The following ACAP2 variants were observed in gnomAD, a reference collection of about 807,000 sequenced individuals.
ACAP2 encodes ArfGAP with coiled-coil, ankyrin repeat and PH domains 2.
ACAP2 carries 39 observed loss-of-function variants against 115.8 expected under a neutral mutation model. The observed-to-expected ratio is 0.34, with a 90% CI of 0.26 to 0.44. The LOEUF (loss-of-function observed/expected upper bound fraction) is 0.44, where lower values mean the gene tolerates loss of function less well. ACAP2 is among the 20% of genes least tolerant of loss of function. ACAP2 has a pLI of 1.00. For missense variants in ACAP2, 662 were observed against 927.6 expected (o/e 0.71, Z 3.72); for synonymous variants, 289 against 315.8 (o/e 0.92, Z 0.90).
intron 4 of ACAP2, among the ~76,000 whole-genome samples, chr3:195,362,118 G>GT (rs2108698642): frequency 6.6e-6 from 1 of 152,168 alleles, no homozygotes; most frequent in African/African-American, 2.4e-5. Flanking sequence ...TTTGAGACCA[G>GT]TCTGGCCAAC....
intron 1 of ACAP2, among the ~76,000 whole-genome samples, chr3:195,428,014 ATAAT>A (rs1002476915): frequency 2.0e-4 from 30 of 148,438 alleles, no homozygotes; most frequent in African/African-American, 6.6e-4. Flanking sequence ...CGTCTAAAAG[ATAAT>A]TAGTCTAAAC....
chr3:195,327,789 G>A (rs1176463838), intron 8 of ACAP2, among the ~76,000 whole-genome samples: 1 of 151,960 alleles, frequency 6.6e-6, no homozygotes. Context: ...AAATTAGCTG[G>A]GCATGGTGGC....
chr3:195,308,935 T>C (rs1350933772), intron 10 of ACAP2, 98 bp from the exon 11 acceptor site: 1 of 1,176,120 alleles, frequency 8.5e-7, no homozygotes, highest in African/African-American at 1.6e-5. Flanking sequence ...AATCACATTG[T>C]GTTAATTATG....
At chr3:195,417,887 T>C (rs1713872399) in intron 1 of ACAP2, among the ~76,000 whole-genome samples, 1 of 151,614 alleles carries the variant, frequency 6.6e-6, no homozygotes, top group African/African-American at 2.4e-5. Flanking sequence ...AGTTCAAGGT[T>C]GCAGTGAGCC....
At position 195,289,784 on chromosome 3, in the gene ACAP2, C is replaced by T. The variant is rs183202799; in HGVS notation, c.2064-553G>A. ...TCACACCACTGCACTCCAGCCTGGG[C>T]GAGAGCAAGACTCCGTCTCAAAAAA... On this transcript the variant is annotated intron_variant, in intron 20 of 22. Transcript: ENST00000326793. Among the ~76,000 whole-genome samples the T allele has an allele frequency of 3.2e-4, 40 of 125,162 alleles. No individual in the cohort carries two copies. The East Asian group carries it at 7.6e-3, about 24-fold the overall frequency. The allele number at this position is 125,162 out of a possible 152,430, so 82.1% of individuals were successfully genotyped here.
chr3:195,353,407 G>T (rs567262884), intron 4 of ACAP2, among the ~76,000 whole-genome samples: 8 of 152,226 alleles, frequency 5.3e-5, no homozygotes, highest in Non-Finnish European at 1.2e-4. Context: ...TTTAAAACTT[G>T]TGATAAATCC....
At chr3:195,392,264 GA>G in intron 1 of ACAP2, 117 bp from the exon 2 acceptor site, 1 of 760,970 alleles carries the variant, frequency 1.3e-6, no homozygotes, top group South Asian at 1.7e-5. Context: ...CACTTCACAT[GA>G]AGTAATAATT....
At chr3:195,306,772 G>A in intron 12 of ACAP2, 156 bp from the exon 13 acceptor site, 1 of 511,666 alleles carries the variant, frequency 2.0e-6, no homozygotes, top group Admixed American at 4.0e-5. Context: ...TATCTTTAGG[G>A]CAAAGTATGT....
chr3:195,316,992 G>T (rs574394782), intron 10 of ACAP2, among the ~76,000 whole-genome samples: 1 of 148,396 alleles, frequency 6.7e-6, no homozygotes, highest in African/African-American at 2.5e-5. Context: ...CTGCCTCCTG[G>T]GTTCAAGCAA....
At chr3:195,421,763 T>C (rs776611107) in intron 1 of ACAP2, among the ~76,000 whole-genome samples, 4 of 152,252 alleles carry the variant, frequency 2.6e-5, no homozygotes, top group Non-Finnish European at 4.4e-5. Context: ...TTTGAGTTTT[T>C]AAATGAATAC....
chr3:195,331,122 GAGATTA>G (rs1464332430), intron 8 of ACAP2, among the ~76,000 whole-genome samples: 2 of 152,126 alleles, frequency 1.3e-5, no homozygotes, highest in Non-Finnish European at 2.9e-5. Flanking sequence ...ATTTAGCACA[GAGATTA>G]AGAGTGTGGT....
At chr3:195,366,547 T>G (rs1453677326) in intron 4 of ACAP2, among the ~76,000 whole-genome samples, 2 of 152,212 alleles carry the variant, frequency 1.3e-5, no homozygotes. Flanking sequence ...CACCCCAGTC[T>G]TGTTAGAAAT....
intron 4 of ACAP2, among the ~76,000 whole-genome samples, chr3:195,379,458 TCAACAA>T (rs762499348): frequency 7.2e-5 from 11 of 151,726 alleles, no homozygotes; most frequent in East Asian, 1.9e-4. Context: ...CAAGTGTAAG[TCAACAA>T]CAACAACAAC....
At chr3:195,304,297 A>G (rs1350690706) in intron 13 of ACAP2, among the ~76,000 whole-genome samples, 2 of 152,176 alleles carry the variant, frequency 1.3e-5, no homozygotes, top group African/African-American at 2.4e-5. Flanking sequence ...TAAGGAAAGA[A>G]TATCAATATT....
At chr3:195,299,561 G>A (rs1016975130) in intron 15 of ACAP2, among the ~76,000 whole-genome samples, 7 of 150,630 alleles carry the variant, frequency 4.6e-5, no homozygotes, top group African/African-American at 1.5e-4. Flanking sequence ...AAAAAAGGCC[G>A]GGCGCGGTGG....
chr3:195,364,183 G>A (rs1040449275), intron 4 of ACAP2, among the ~76,000 whole-genome samples: 1 of 152,136 alleles, frequency 6.6e-6, no homozygotes, highest in Non-Finnish European at 1.5e-5. Flanking sequence ...GAAAATATTT[G>A]CAATCTATCC....
chr3:195,401,766 A>G (rs1294664079), intron 1 of ACAP2, among the ~76,000 whole-genome samples: 1 of 152,214 alleles, frequency 6.6e-6, no homozygotes, highest in Non-Finnish European at 1.5e-5. Flanking sequence ...TTGAATGGGG[A>G]GAAAACTTAG....
rs750146942 is a variant in ACAP2, at chr3:195,305,082, C to A, written c.1116+1429G>T. ...GCAATGATGGTTAAGATCCACAGCT[C>A]TAACACTGATTCCACGAAAAAAGAA... On this transcript the variant is annotated intron_variant, in intron 13 of 22. Transcript: ENST00000326793. Among the ~76,000 whole-genome samples, 7 of 152,242 alleles carry A rather than the reference C, an allele frequency of 4.6e-5. No individual in the cohort carries two copies. In the South Asian group the frequency reaches 1.4e-3, roughly 32 times the overall value.
At chr3:195,342,976 C>T (rs1577330021) in intron 5 of ACAP2, among the ~76,000 whole-genome samples, 1 of 143,374 alleles carries the variant, frequency 7.0e-6, no homozygotes, top group East Asian at 2.1e-4. Flanking sequence ...AGCCTGGTGA[C>T]AGAGCAAGAC....
Sources: gnomAD v4.1 joint callset for allele counts (sites outside exome capture counted in the v4.1 genomes callset) on GRCh38, gnomAD v4.1.1 for gene constraint, MANE v1.5 for transcripts, NCBI Gene and HGNC (gene_info 2026-07-23, HGNC 2026-07-21) for gene names.